The following DPP6 variants were observed in gnomAD, a reference collection of about 807,000 sequenced individuals.
DPP6 encodes A-type potassium channel modulatory protein DPP6.
In DPP6, 69 loss-of-function variants were observed where a neutral mutation model predicts 122.6. That is an observed-to-expected ratio of 0.56 (90% CI 0.46 to 0.69). The LOEUF (loss-of-function observed/expected upper bound fraction) is 0.69. Among genes scored for constraint, DPP6 ranks in the 30% least tolerant of loss-of-function variants. The pLI is 0.00. For synonymous variants in DPP6, 418 were observed against 433.1 expected (o/e 0.97, Z 0.43); for missense variants, 928 against 1,116.9 (o/e 0.83, Z 2.41).
At chr7:154,808,872 A>G (rs1798859038) in intron 16 of DPP6, among the ~76,000 whole-genome samples, 1 of 152,118 alleles carries the variant, frequency 6.6e-6, no homozygotes, top group African/African-American at 2.4e-5. Context: ...GAAGTGAAAA[A>G]TTGAAGTAGA....
chr7:154,372,332 C>T (rs1812745277), intron 1 of DPP6, among the ~76,000 whole-genome samples: 1 of 152,216 alleles, frequency 6.6e-6, no homozygotes, highest in Middle Eastern at 3.4e-3. Context: ...GAGGTTATTG[C>T]AGAGCATGGA....
chr7:153,865,896 T>C, the DPP6 span, among the ~76,000 whole-genome samples: 1 of 147,814 alleles, frequency 6.8e-6, no homozygotes, highest in Non-Finnish European at 1.5e-5. Context: ...AGTGAGAACA[T>C]GTGGTGTTTA....
chr7:153,774,190 A>G, the DPP6 span, among the ~76,000 whole-genome samples: 1 of 152,180 alleles, frequency 6.6e-6, no homozygotes. Context: ...ACTGGGGAAG[A>G]CACATCAGCA....
chr7:154,370,950 A>T (rs371834710), intron 1 of DPP6, among the ~76,000 whole-genome samples: 46 of 152,354 alleles, frequency 3.0e-4, no homozygotes, highest in African/African-American at 1.1e-3. Context: ...AGAGGCTTGC[A>T]TGAGCTCACC....
chr7:154,328,380 G>A (rs1449336054), intron 1 of DPP6, among the ~76,000 whole-genome samples: 1 of 152,214 alleles, frequency 6.6e-6, no homozygotes, highest in African/African-American at 2.4e-5. Context: ...GACGGGCCTG[G>A]AAGGGATTCC....
At chr7:154,575,685 G>T (rs1289261294) in intron 5 of DPP6, among the ~76,000 whole-genome samples, 5 of 138,814 alleles carry the variant, frequency 3.6e-5, no homozygotes, top group Non-Finnish European at 6.2e-5. Context: ...GGTGTGTGTG[G>T]TGTGTGTATG....
chr7:154,574,261 G>C (rs926167030), intron 5 of DPP6, among the ~76,000 whole-genome samples: 40 of 149,152 alleles, frequency 2.7e-4, no homozygotes, highest in African/African-American at 9.6e-4. Flanking sequence ...TGGTGTGTGT[G>C]TATGTGTGTG....
At chr7:153,982,104 G>T (rs1796617980) in intron 1 of DPP6, among the ~76,000 whole-genome samples, 1 of 151,994 alleles carries the variant, frequency 6.6e-6, no homozygotes, top group South Asian at 2.1e-4. Flanking sequence ...TGCTAGGTTG[G>T]GGAAGTTCTT....
At chr7:154,384,625 A>G (rs992715912) in intron 1 of DPP6, among the ~76,000 whole-genome samples, 1 of 152,336 alleles carries the variant, frequency 6.6e-6, no homozygotes, top group East Asian at 1.9e-4. Context: ...AGTGAGAACC[A>G]GATAAGTGAG....
intron 1 of DPP6, among the ~76,000 whole-genome samples, chr7:154,167,071 C>G (rs1250110024): frequency 6.6e-6 from 1 of 150,596 alleles, no homozygotes; most frequent in South Asian, 2.1e-4. Flanking sequence ...CATGCACCCC[C>G]ACAACTGTCT....
At chr7:154,060,324 G>T (rs1490077613) in intron 1 of DPP6, among the ~76,000 whole-genome samples, 2 of 125,550 alleles carry the variant, frequency 1.6e-5, no homozygotes, top group African/African-American at 3.1e-5. Flanking sequence ...GACCCCCATC[G>T]CAGGAGGGGG....
intron 1 of DPP6, among the ~76,000 whole-genome samples, chr7:153,974,037 T>C (rs28584334): frequency 0.046 from 6,916 of 151,992 alleles, 373 homozygotes; most frequent in East Asian, 0.15. Flanking sequence ...GAAGGGGGAC[T>C]TACCTATGCA....
chr7:153,914,780 A>G (rs374376561), intron 1 of DPP6, among the ~76,000 whole-genome samples: 2 of 152,292 alleles, frequency 1.3e-5, no homozygotes, highest in South Asian at 4.1e-4. Context: ...CACAGGGCCC[A>G]GAGTGCATCA....
chr7:153,828,795 T>C, the DPP6 span, among the ~76,000 whole-genome samples: 2 of 152,158 alleles, frequency 1.3e-5, no homozygotes, highest in Non-Finnish European at 2.9e-5. Context: ...ACTTTCATAA[T>C]TGAAATGAGC....
chr7:153,794,776 A>C, the DPP6 span, among the ~76,000 whole-genome samples: 2 of 152,154 alleles, frequency 1.3e-5, no homozygotes, highest in Non-Finnish European at 2.9e-5. Flanking sequence ...AGGAGGAGGT[A>C]ATTAAATCAT....
Position 154,483,401 on chromosome 7 carries a change from T to TTTTTA in DPP6, c.457+8364_457+8365insTTTTA, listed in dbSNP as rs61038137. Among the ~76,000 whole-genome samples the TTTTTA allele has an allele frequency of 3.7e-3, 565 of 151,358 alleles. 4 individuals carry two copies. Among genetic ancestry groups the TTTTTA allele is most frequent in the African/African-American group, 0.013 (516 of 41,248 alleles). The stretch of plus-strand genomic sequence containing the variant: ...AGGCACAATACAATTTTTTTTTTTT[T>TTTTTA]AAAAGCATTTATTTGAGCAAACAGT... On this transcript the variant is annotated intron_variant, in intron 3 of 25. Transcript: ENST00000377770. This position sits in a 1 kb window ranked among gnomAD's most constrained non-coding sequence, Gnocchi z 8.1.
intron 8 of DPP6, among the ~76,000 whole-genome samples, chr7:154,739,621 C>CT (rs754971289): frequency 1.1e-4 from 17 of 152,204 alleles, no homozygotes; most frequent in Non-Finnish European, 2.4e-4. Context: ...GTTGCAAACT[C>CT]TATCATTTCA....
At chr7:153,948,971 TCA>T (rs1802078281) in intron 1 of DPP6, among the ~76,000 whole-genome samples, 2 of 152,180 alleles carry the variant, frequency 1.3e-5, no homozygotes, top group Non-Finnish European at 2.9e-5. Flanking sequence ...CTTTAAAAGC[TCA>T]CAGTTAATTT....
chr7:153,956,481 TC>T (rs1746189363), intron 1 of DPP6, among the ~76,000 whole-genome samples: 2 of 152,142 alleles, frequency 1.3e-5, no homozygotes, highest in African/African-American at 4.8e-5. Flanking sequence ...TGATAGGTCT[TC>T]CTCTTACCTC....
Sources: gnomAD v4.1 joint callset for allele counts (sites outside exome capture counted in the v4.1 genomes callset) on GRCh38, gnomAD v4.1.1 for gene constraint, Gnocchi (gnomAD v3.1) non-coding constraint, MANE v1.5 for transcripts, NCBI Gene and HGNC (gene_info 2026-07-23, HGNC 2026-07-21) for gene names.